The following CDH12 variants were observed in gnomAD, a reference collection of about 807,000 sequenced individuals.
The protein encoded by CDH12 is cadherin 12.
Under a neutral mutation model 74.1 loss-of-function variants are expected in CDH12, and 41 were observed. That is an observed-to-expected ratio of 0.55 (90% confidence interval 0.43 to 0.72). The LOEUF (loss-of-function observed/expected upper bound fraction) is 0.72. Ranked by LOEUF, CDH12 falls within the 30% of genes least tolerant of loss-of-function variation. The pLI, the probability that CDH12 is intolerant of heterozygous loss-of-function variation, is 0.00. For synonymous variants in CDH12, 399 were observed against 355.0 expected (o/e 1.12, Z -1.39); for missense variants, 945 against 977.2 (o/e 0.97, Z 0.44).
At chr5:22,820,720 T>G (rs1048024114) in intron 1 of CDH12, among the ~76,000 whole-genome samples, 7 of 152,082 alleles carry the variant, frequency 4.6e-5, no homozygotes, top group African/African-American at 1.7e-4. Context: ...AATAACAGGC[T>G]CTGAAATTGT....
At chr5:22,731,019 G>A (rs1375339054) in intron 1 of CDH12, among the ~76,000 whole-genome samples, 2 of 151,748 alleles carry the variant, frequency 1.3e-5, no homozygotes, top group African/African-American at 4.8e-5. Flanking sequence ...CCTAAATCAA[G>A]TGTTCAGATG....
intron 3 of CDH12, among the ~76,000 whole-genome samples, chr5:22,334,622 A>G (rs1739496777): frequency 6.6e-6 from 1 of 152,200 alleles, no homozygotes; most frequent in African/African-American, 2.4e-5. Context: ...ATAGTAATCA[A>G]AACAGCATGA....
chr5:22,742,172 A>G (rs1414325160), intron 1 of CDH12, among the ~76,000 whole-genome samples: 6 of 151,470 alleles, frequency 4.0e-5, no homozygotes, highest in Non-Finnish European at 8.8e-5. Flanking sequence ...ACAGAGCAAG[A>G]CTCCATTTCA....
intron 2 of CDH12, among the ~76,000 whole-genome samples, chr5:22,423,107 G>A (rs1419799293): frequency 1.3e-5 from 2 of 150,802 alleles, no homozygotes; most frequent in African/African-American, 4.9e-5. Context: ...TTGTGTGTGT[G>A]TTGGTGAAGA....
chr5:22,242,413 G>C (rs894491313), intron 3 of CDH12, among the ~76,000 whole-genome samples: 4 of 152,042 alleles, frequency 2.6e-5, no homozygotes, highest in African/African-American at 7.2e-5. Context: ...TTTTAGCTAG[G>C]AGCAGGAATA....
chr5:22,343,095 G>A (rs1739946243), intron 3 of CDH12, among the ~76,000 whole-genome samples: 1 of 151,630 alleles, frequency 6.6e-6, no homozygotes, highest in African/African-American at 2.4e-5. Context: ...CCGCATGTGA[G>A]CTGCCCGCCT....
chr5:22,792,438 T>A (rs1368499075), intron 1 of CDH12, among the ~76,000 whole-genome samples: 1 of 152,132 alleles, frequency 6.6e-6, no homozygotes, highest in African/African-American at 2.4e-5. Context: ...ACTTTGACAG[T>A]GGTAAGATAG....
Position 22,670,585 on chromosome 5 carries a change from G to T in CDH12, c.-522-165221C>A, listed in dbSNP as rs140128049. Among the ~76,000 whole-genome samples, 482 of 152,032 alleles carry T rather than the reference G, an allele frequency of 3.2e-3. 4 individuals are homozygous for T. The highest frequency in any genetic ancestry group is 0.011 in the African/African-American group (463 of 41,496). On this transcript the variant is annotated intron_variant, in intron 1 of 14. Transcript: ENST00000382254. Reference sequence around the variant, plus strand: ...TTAATCATATTGATATATACCACAGGAGGTTATTAAACTCTTATATTTTCA... The same window carrying T: ...TTAATCATATTGATATATACCACAGTAGGTTATTAAACTCTTATATTTTCA...
intron 8 of CDH12, among the ~76,000 whole-genome samples, chr5:21,823,255 A>G (rs531771082): frequency 1.3e-5 from 2 of 152,270 alleles, no homozygotes; most frequent in Non-Finnish European, 2.9e-5. Context: ...ATCCGAGCTG[A>G]GACAATACCA....
chr5:22,642,940 A>G (rs556267067), intron 1 of CDH12, among the ~76,000 whole-genome samples: 1 of 152,256 alleles, frequency 6.6e-6, no homozygotes, highest in Admixed American at 6.5e-5. Context: ...TTACTGTGCA[A>G]GTGAATGGGG....
intron 1 of CDH12, among the ~76,000 whole-genome samples, chr5:22,520,481 G>A (rs1737004992): frequency 6.6e-6 from 1 of 152,114 alleles, no homozygotes; most frequent in Non-Finnish European, 1.5e-5. Context: ...ACTTATGGAG[G>A]TGCCCTTAAA....
intron 3 of CDH12, among the ~76,000 whole-genome samples, chr5:22,279,430 G>T (rs1736777803): frequency 6.6e-6 from 1 of 152,208 alleles, no homozygotes; most frequent in South Asian, 2.1e-4. Context: ...CAACGTGCAG[G>T]TTTGTTACAT....
intron 7 of CDH12, among the ~76,000 whole-genome samples, chr5:21,852,091 A>G (rs1750497399): frequency 6.6e-6 from 1 of 151,446 alleles, no homozygotes; most frequent in Non-Finnish European, 1.5e-5. Context: ...AATTGCAATT[A>G]TCCTTGATTT....
chr5:22,099,950 C>T (rs1231061965), intron 4 of CDH12, among the ~76,000 whole-genome samples: 1 of 152,072 alleles, frequency 6.6e-6, no homozygotes, highest in South Asian at 2.1e-4. Flanking sequence ...CAATATCACC[C>T]CTTACCACAA....
At position 22,833,058 on chromosome 5, in the gene CDH12, G is replaced by A. The variant is rs192305892; in HGVS notation, c.-523+20000C>T. Among the ~76,000 whole-genome samples, 3 of 152,110 alleles carry A rather than the reference G, an allele frequency of 2.0e-5. No homozygotes were observed. The South Asian group carries it at 6.2e-4, about 31-fold the overall frequency. ...CCAGTGATGAATTTAAGTTTTGCAT[G>A]CCTAACTTTTTTCCTTAGTTTAGAT... On this transcript the variant is annotated intron_variant, in intron 1 of 14. Transcript: ENST00000382254.
intron 5 of CDH12, among the ~76,000 whole-genome samples, chr5:22,009,718 C>T (rs1472606407): frequency 6.6e-6 from 1 of 151,902 alleles, no homozygotes; most frequent in Non-Finnish European, 1.5e-5. Flanking sequence ...TGACTCATGC[C>T]TGTAATCCCT....
At chr5:22,632,325 T>C (rs1261034828) in intron 1 of CDH12, among the ~76,000 whole-genome samples, 1 of 152,162 alleles carries the variant, frequency 6.6e-6, no homozygotes, top group Non-Finnish European at 1.5e-5. Flanking sequence ...GAGTTCCTTG[T>C]AGCAATGTGA....
At chr5:22,850,764 G>T (rs916356972) in intron 1 of CDH12, among the ~76,000 whole-genome samples, 1 of 152,094 alleles carries the variant, frequency 6.6e-6, no homozygotes, top group Non-Finnish European at 1.5e-5. Context: ...GAGTCTGCTA[G>T]TAGGTCATTT....
chr5:22,360,599 T>TA (rs1400654705), intron 3 of CDH12, among the ~76,000 whole-genome samples: 1 of 152,138 alleles, frequency 6.6e-6, no homozygotes, highest in Non-Finnish European at 1.5e-5. Context: ...ATCATCCTGA[T>TA]ACCAAAGCCT....
Sources: gnomAD v4.1 joint callset for allele counts (sites outside exome capture counted in the v4.1 genomes callset) on GRCh38, gnomAD v4.1.1 for gene constraint, MANE v1.5 for transcripts, NCBI Gene and HGNC (gene_info 2026-07-23, HGNC 2026-07-21) for gene names.